ATOSA: variants seen among roughly 807,000 people sequenced by gnomAD.
The protein encoded by ATOSA is atos homolog protein A.
chr15:52,703,327 A>G, the ATOSA span, among the ~76,000 whole-genome samples: 2 of 152,208 alleles, frequency 1.3e-5, no homozygotes, highest in Non-Finnish European at 2.9e-5. Flanking sequence ...TAAATTTTAT[A>G]TAGTTTATAG....
chr15:52,600,440 G>T, the ATOSA span, among the ~76,000 whole-genome samples: 1 of 151,820 alleles, frequency 6.6e-6, no homozygotes, highest in Admixed American at 6.6e-5. Context: ...ACCAAGCCAA[G>T]GCACAATATT....
At chr15:52,644,767 C>T in the ATOSA span, among the ~76,000 whole-genome samples, 5 of 152,108 alleles carry the variant, frequency 3.3e-5, no homozygotes, top group Admixed American at 2.0e-4. Flanking sequence ...TAGGCAATCA[C>T]TAAATCTCTA....
the ATOSA span, chr15:52,608,777 T>C: frequency 1.2e-6 from 2 of 1,605,976 alleles, no homozygotes; most frequent in Non-Finnish European, 8.5e-7. Flanking sequence ...TGCTCACATG[T>C]CTTAGGCCTT....
chr15:52,698,528 A>G, the ATOSA span, among the ~76,000 whole-genome samples: 1 of 152,264 alleles, frequency 6.6e-6, no homozygotes, highest in Admixed American at 6.5e-5. Flanking sequence ...GATTTACATA[A>G]TGGAATATTG....
chr15:52,642,497 T>C, the ATOSA span, among the ~76,000 whole-genome samples: 1 of 152,232 alleles, frequency 6.6e-6, no homozygotes, highest in Non-Finnish European at 1.5e-5. Flanking sequence ...TAGAATCCCA[T>C]TTATTGTTAG....
the ATOSA span, chr15:52,658,776 G>A: frequency 1.7e-5 from 5 of 301,962 alleles, no homozygotes; most frequent in Non-Finnish European, 2.7e-5. Flanking sequence ...ACCAGGCTGA[G>A]CAACAGAGTG....
the ATOSA span, among the ~76,000 whole-genome samples, chr15:52,676,157 C>T: frequency 1.3e-5 from 2 of 152,046 alleles, no homozygotes; most frequent in Non-Finnish European, 2.9e-5. Flanking sequence ...CTCCACATAT[C>T]ATGATTACAA....
At chr15:52,628,200 G>A in the ATOSA span, among the ~76,000 whole-genome samples, 40 of 152,164 alleles carry the variant, frequency 2.6e-4, no homozygotes, top group Non-Finnish European at 4.9e-4. Flanking sequence ...CTCTTAAGAC[G>A]ATTATGAACA....
chr15:52,603,311 C>G, the ATOSA span, among the ~76,000 whole-genome samples: 1 of 152,060 alleles, frequency 6.6e-6, no homozygotes, highest in African/African-American at 2.4e-5. Context: ...GACTTCTATC[C>G]AAAAGACAGG....
chr15:52,673,699 CTTTT>C, the ATOSA span, among the ~76,000 whole-genome samples: 1 of 152,210 alleles, frequency 6.6e-6, no homozygotes, highest in African/African-American at 2.4e-5. Context: ...TCTGCCATTT[CTTTT>C]GTTTGATTTA....
At chr15:52,672,689 T>C in the ATOSA span, among the ~76,000 whole-genome samples, 1 of 152,194 alleles carries the variant, frequency 6.6e-6, no homozygotes, top group Non-Finnish European at 1.5e-5. Flanking sequence ...TCAGACCCCA[T>C]GGGTTTCTTC....
At chr15:52,605,709 T>C in the ATOSA span, among the ~76,000 whole-genome samples, 1 of 152,130 alleles carries the variant, frequency 6.6e-6, no homozygotes, top group African/African-American at 2.4e-5. Context: ...AAAGAAAACA[T>C]GTCCAAATGT....
the ATOSA span, chr15:52,584,733 T>C: frequency 6.2e-7 from 1 of 1,602,062 alleles, no homozygotes. Context: ...TCATATTAAT[T>C]TGAAGCATTA....
the ATOSA span, among the ~76,000 whole-genome samples, chr15:52,616,044 C>A: frequency 1.3e-4 from 20 of 152,324 alleles, no homozygotes; most frequent in Non-Finnish European, 2.6e-4. Flanking sequence ...TATCATACAT[C>A]CCCAGGTTAA....
At chr15:52,703,073 G>A in the ATOSA span, among the ~76,000 whole-genome samples, 1 of 152,116 alleles carries the variant, frequency 6.6e-6, no homozygotes, top group African/African-American at 2.4e-5. Context: ...ACTATTCAGC[G>A]ATAAAAACAA....
chr15:52,611,108 T>G, the ATOSA span: 2 of 1,586,886 alleles, frequency 1.3e-6, no homozygotes, highest in African/African-American at 1.4e-5. Flanking sequence ...GCACTGTCCT[T>G]TTTTTTTGGC....
the ATOSA span, among the ~76,000 whole-genome samples, chr15:52,613,438 T>G: frequency 2.0e-5 from 3 of 152,210 alleles, no homozygotes; most frequent in African/African-American, 4.8e-5. Context: ...ACAGCAGGTA[T>G]GAAATTGGGT....
At chr15:52,631,892 C>T in the ATOSA span, among the ~76,000 whole-genome samples, 2 of 152,156 alleles carry the variant, frequency 1.3e-5, no homozygotes, top group Admixed American at 1.3e-4. Flanking sequence ...AATGCGCCAT[C>T]ATGCCCAGCT....
the ATOSA span, chr15:52,609,438 G>C: frequency 6.2e-7 from 1 of 1,613,754 alleles, no homozygotes; most frequent in Non-Finnish European, 8.5e-7. Flanking sequence ...TGTGCTCCAA[G>C]TGTTGAGCAA....
Sources: gnomAD v4.1 joint callset for allele counts (sites outside exome capture counted in the v4.1 genomes callset) on GRCh38, gnomAD v4.1.1 for gene constraint, MANE v1.5 for transcripts, NCBI Gene and HGNC (gene_info 2026-07-23, HGNC 2026-07-21) for gene names.